Variants in RIPOR2 observed in about 807,000 individuals in gnomAD.
RIPOR2 encodes the protein RHO family interacting cell polarization regulator 2, also known as rho family-interacting cell polarization regulator 2.
In RIPOR2, 39 loss-of-function variants were observed where a neutral mutation model predicts 114.5. That is an observed-to-expected ratio of 0.34 (90% confidence interval 0.26 to 0.44). The LOEUF (loss-of-function observed/expected upper bound fraction) is 0.44, where lower values mean the gene tolerates loss of function less well. Ranked by LOEUF, RIPOR2 falls within the 20% of genes least tolerant of loss-of-function variation. The pLI, the probability that RIPOR2 is intolerant of heterozygous loss-of-function variation, is 1.00. For synonymous variants in RIPOR2, 445 were observed against 484.4 expected (o/e 0.92, Z 1.07); for missense variants, 1,007 against 1,255.1 (o/e 0.80, Z 2.99).
At chr6:25,025,354 G>C (rs1223467986) in intron 1 of RIPOR2, among the ~76,000 whole-genome samples, 1 of 152,146 alleles carries the variant, frequency 6.6e-6, no homozygotes, top group African/African-American at 2.4e-5. Context: ...TTTGGAGATA[G>C]TACTTTGGAT....
At chr6:24,985,608 A>AT (rs1369352733) in intron 1 of RIPOR2, among the ~76,000 whole-genome samples, 1 of 152,134 alleles carries the variant, frequency 6.6e-6, no homozygotes, top group Non-Finnish European at 1.5e-5. Flanking sequence ...GACAGGATGA[A>AT]TTTCTATCCC....
chr6:24,969,756 C>T (rs1773694449), intron 1 of RIPOR2, among the ~76,000 whole-genome samples: 1 of 152,160 alleles, frequency 6.6e-6, no homozygotes, highest in South Asian at 2.1e-4. Context: ...CACTGCCCTG[C>T]CCCTTACTGT....
At chr6:25,032,384 A>G (rs1777032208) in intron 1 of RIPOR2, among the ~76,000 whole-genome samples, 2 of 151,950 alleles carry the variant, frequency 1.3e-5, no homozygotes, top group Admixed American at 1.3e-4. Context: ...CCACCCTGTA[A>G]TGGAGATAAG....
intron 1 of RIPOR2, among the ~76,000 whole-genome samples, chr6:24,985,729 A>G (rs1774501277): frequency 6.6e-6 from 1 of 152,166 alleles, no homozygotes; most frequent in South Asian, 2.1e-4. Context: ...CATGGGTCCT[A>G]GGTGAAGAAA....
In RIPOR2 at chr6:24,850,981, C is replaced by T. The variant is rs536821189; in HGVS notation, c.760-259G>A. On this transcript the variant is annotated intron_variant, in intron 9 of 21. Coordinates refer to ENST00000643898, the MANE Select transcript of RIPOR2 (RefSeq NM_001286445.3). ...TGTGATCTTGGCTCGCTGCAACCTC[C>T]GCCTCCAGGGTTCAAGCGATTCCCC... 8.6e-5 allele frequency among the ~76,000 whole-genome samples: 13 copies of T among 151,604 alleles called. 2 individuals are homozygous for T. In the South Asian group the frequency reaches 1.9e-3, roughly 22 times the overall value.
rs116386639 is a variant in RIPOR2 at position 24,934,824 on chromosome 6, G to T, written c.61+1014C>A. ...ATGACTAGATCATCCCTTTAAAATC[G>T]CAACCTTTACAGTTAAATTCCAGTG... On this transcript the variant is annotated intron_variant, in intron 1 of 21. Transcript: ENST00000643898. 4.7e-3 allele frequency among the ~76,000 whole-genome samples: 710 copies of T among 152,182 alleles called. 3 individuals carry two copies. Among genetic ancestry groups the T allele is most frequent in the African/African-American group, 0.016 (673 of 41,516 alleles).
intron 12 of RIPOR2, among the ~76,000 whole-genome samples, chr6:24,844,785 T>C (rs1175546137): frequency 2.0e-5 from 3 of 152,130 alleles, no homozygotes; most frequent in Non-Finnish European, 4.4e-5. Context: ...CCCAAAATGG[T>C]TAATTTTTCT....
rs1484753187 is a variant in RIPOR2, at chr6:24,848,042, T to C, written c.1147A>G (p.Lys383Glu). The C allele has an allele frequency of 6.2e-7, 1 of 1,613,984 alleles. No homozygotes were observed. Among genetic ancestry groups the C allele is most frequent in the South Asian group, 1.1e-5 (1 of 91,082 alleles). ...SQGTPETPTF[K>E]DHSFFSNLPD... The stretch of plus-strand genomic sequence containing the variant: ...GAACTTACAAAGAAGGAGTGGTCTT[T>C]GAAGGTGGGCGTTTCCGGGGTACCC... Residue 383 changes from lysine to glutamate, a missense_variant, in exon 12 of 22, where the codon AAA (lysine) becomes GAA (glutamate). Lys to Glu is a moderately conservative substitution (Grantham distance 56). Coordinates refer to ENST00000643898, the MANE Select transcript of RIPOR2 (RefSeq NM_001286445.3).
At chr6:24,866,706 A>T (rs1375463448) in intron 6 of RIPOR2, among the ~76,000 whole-genome samples, 1 of 152,120 alleles carries the variant, frequency 6.6e-6, no homozygotes, top group Non-Finnish European at 1.5e-5. Flanking sequence ...TAAGTCTGGT[A>T]CTATCTTTAA....
At chr6:25,005,739 A>ATATG (rs869093518) in intron 1 of RIPOR2, among the ~76,000 whole-genome samples, 5 of 79,674 alleles carry the variant, frequency 6.3e-5, no homozygotes, top group Admixed American at 2.8e-4. Context: ...ATATATATAT[A>ATATG]TACATTTACC....
At chr6:24,898,212 T>A (rs1167984351) in intron 1 of RIPOR2, among the ~76,000 whole-genome samples, 1 of 152,162 alleles carries the variant, frequency 6.6e-6, no homozygotes, top group Non-Finnish European at 1.5e-5. Context: ...TGGCCTTACC[T>A]AAACAAAGCT....
intron 1 of RIPOR2, among the ~76,000 whole-genome samples, chr6:25,000,047 T>C (rs889663816): frequency 5.9e-5 from 9 of 152,162 alleles, no homozygotes; most frequent in Non-Finnish European, 1.2e-4. Context: ...CCCTTCATCT[T>C]TTGCCTTCAT....
At chr6:24,996,504 T>G (rs1460086684) in intron 1 of RIPOR2, among the ~76,000 whole-genome samples, 1 of 152,210 alleles carries the variant, frequency 6.6e-6, no homozygotes, top group Non-Finnish European at 1.5e-5. Flanking sequence ...CCCCTGAGCA[T>G]GCAGCTCTTC....
chr6:24,830,445 C>T, intron 17 of RIPOR2, 64 bp downstream of exon 17: 2 of 1,416,334 alleles, frequency 1.4e-6, no homozygotes, highest in Non-Finnish European at 1.9e-6. Context: ...CTCCCCCGAC[C>T]CCCACCCCAA....
intron 1 of RIPOR2, among the ~76,000 whole-genome samples, chr6:24,988,439 G>T (rs755248643): frequency 6.6e-6 from 1 of 152,188 alleles, no homozygotes; most frequent in Non-Finnish European, 1.5e-5. Flanking sequence ...CTCCCAAAGT[G>T]CTGGGATTAC....
chr6:24,806,527 T>A, intron 21 of RIPOR2, 54 bp from the exon 22 acceptor site: 2 of 1,280,608 alleles, frequency 1.6e-6, no homozygotes, highest in South Asian at 1.3e-5. Flanking sequence ...TTTTATTAAT[T>A]ACTCAAAGTA....
At chr6:24,894,862 C>T (rs73400424) in intron 1 of RIPOR2, among the ~76,000 whole-genome samples, 5,103 of 152,206 alleles carry the variant, frequency 0.034, 98 homozygotes, top group African/African-American at 0.051. Context: ...ACAGTCATGT[C>T]GACTGTTAGA....
intron 1 of RIPOR2, among the ~76,000 whole-genome samples, chr6:24,974,863 A>G (rs1773965896): frequency 6.6e-6 from 1 of 152,220 alleles, no homozygotes; most frequent in Non-Finnish European, 1.5e-5. Context: ...CCATTAAAAT[A>G]TTATGCTAAG....
intron 1 of RIPOR2, among the ~76,000 whole-genome samples, chr6:24,891,310 T>A (rs888984355): frequency 2.0e-5 from 3 of 152,238 alleles, no homozygotes; most frequent in African/African-American, 4.8e-5. Flanking sequence ...TAGCCACATG[T>A]ATAACATCTG....
Sources: gnomAD v4.1 joint callset for allele counts (sites outside exome capture counted in the v4.1 genomes callset) on GRCh38, gnomAD v4.1.1 for gene constraint, MANE v1.5 for transcripts, NCBI Gene and HGNC (gene_info 2026-07-23, HGNC 2026-07-21) for gene names.